The following CYP3A4 variants were observed in gnomAD, a reference collection of about 807,000 sequenced individuals.
The protein encoded by CYP3A4 is cytochrome P450 family 3 subfamily A member 4.
In CYP3A4, 41 loss-of-function variants were observed where a neutral mutation model predicts 54.9. The ratio of observed to expected loss-of-function variants is 0.75; its 90% CI spans 0.58 to 0.97. The LOEUF is 0.97. Among genes scored for constraint, CYP3A4 ranks in the 50% least tolerant of loss-of-function variants. The pLI, the probability that CYP3A4 is intolerant of heterozygous loss-of-function variation, is 0.00. For missense variants in CYP3A4, 510 were observed against 597.3 expected (o/e 0.85, Z 1.52); for synonymous variants, 179 against 205.2 (o/e 0.87, Z 1.09).
chr7:99,765,274 A>G lies in CYP3A4; in HGVS notation c.865+1103T>C, dbSNP rs1447297936. On this transcript the variant is annotated intron_variant, in intron 9 of 12. Transcript: ENST00000651514. The stretch of plus-strand genomic sequence containing the variant: ...AAATACCATTTAAAATTGATCTTCA[A>G]TGGCACTAGCCACATATCCAGTGCT... Among the ~76,000 whole-genome samples the G allele has an allele frequency of 3.3e-5, 5 of 152,192 alleles. 1 individual carries two copies. The Middle Eastern group carries it at 9.5e-3, about 289-fold the overall frequency.
chr7:99,759,867 C>T (rs1238880933), intron 12 of CYP3A4, among the ~76,000 whole-genome samples: 1 of 151,244 alleles, frequency 6.6e-6, no homozygotes, highest in East Asian at 1.9e-4. Context: ...GACAGAGTCT[C>T]GCTGTCACCC....
intron 3 of CYP3A4, among the ~76,000 whole-genome samples, chr7:99,773,326 C>T (rs958498873): frequency 6.6e-6 from 1 of 152,156 alleles, no homozygotes; most frequent in Non-Finnish European, 1.5e-5. Context: ...AACTTGAACT[C>T]AGCTCTGGAC....
At chr7:99,770,300 A>T (rs1226467748) in intron 4 of CYP3A4, 65 bp from the exon 5 acceptor site, 1 of 1,440,220 alleles carries the variant, frequency 6.9e-7, no homozygotes, top group African/African-American at 1.4e-5. Context: ...GTTGTAGAAA[A>T]TGTGTTAAAC....
In CYP3A4 at chr7:99,773,413, G is replaced by A. The variant is rs568667413; in HGVS notation, c.219-724C>T. Among the ~76,000 whole-genome samples, 12 of 152,046 alleles carry A rather than the reference G, an allele frequency of 7.9e-5. No individual in the cohort carries two copies. The South Asian group carries it at 8.3e-4, about 11-fold the overall frequency. Reference sequence around the variant, plus strand: ...TATACATTCTTCTCAGCACCACATCGCACTTATTCTAAAATTGACCACATA... The same window carrying A: ...TATACATTCTTCTCAGCACCACATCACACTTATTCTAAAATTGACCACATA... On this transcript the variant is annotated intron_variant, in intron 3 of 12. Transcript: ENST00000651514.
At chr7:99,764,137 A>G (rs1815419313) in intron 9 of CYP3A4, 122 bp from the exon 10 acceptor site, 1 of 1,412,968 alleles carries the variant, frequency 7.1e-7, no homozygotes. Flanking sequence ...AAAGCAATTC[A>G]GAGGTACACT....
At chr7:99,780,806 C>A (rs1471205452) in intron 1 of CYP3A4, among the ~76,000 whole-genome samples, 2 of 152,148 alleles carry the variant, frequency 1.3e-5, no homozygotes, top group African/African-American at 2.4e-5. Context: ...TTGATTTGAC[C>A]TATTGGGAAG....
At position 99,761,917 on chromosome 7, in the gene CYP3A4, C is replaced by A; in HGVS notation, c.1253+124G>T. The A allele has an allele frequency of 9.7e-6, 9 of 926,298 alleles. No homozygotes were observed. In the South Asian group the frequency reaches 1.5e-4, roughly 15 times the overall value. 57.4% of individuals were successfully genotyped at this position (926,298 alleles called of 1,614,324 possible). A position where few individuals can be genotyped will look rare whatever the true frequency, so the allele number is the denominator to read the frequency against. On this transcript the variant is annotated intron_variant, in intron 11 of 12. Transcript: ENST00000651514. ...TAATCAATTTGATGATTAAAAAAATCTCTAAATATAAAAATACAAGCAAAT... is the reference window on the plus strand; with the variant it reads ...TAATCAATTTGATGATTAAAAAAATATCTAAATATAAAAATACAAGCAAAT...
chr7:99,766,258 T>G (rs1312808904), intron 9 of CYP3A4, 119 bp downstream of exon 9: 2 of 1,192,384 alleles, frequency 1.7e-6, no homozygotes, highest in African/African-American at 1.6e-5. Flanking sequence ...CATTCAAACA[T>G]GTGTCGTTCT....
intron 9 of CYP3A4, 135 bp from the exon 10 acceptor site, chr7:99,764,150 G>T: frequency 7.6e-7 from 1 of 1,317,634 alleles, no homozygotes; most frequent in Non-Finnish European, 1.0e-6. Flanking sequence ...GGTACACTGG[G>T]GGTGGTTTCA....
intron 3 of CYP3A4, among the ~76,000 whole-genome samples, chr7:99,777,476 TTGTGTGTGTGTGTGTGTGTGTGTGTGTG>T (rs10554527): frequency 6.8e-6 from 1 of 146,608 alleles, no homozygotes; most frequent in African/African-American, 2.5e-5. Context: ...ATGTCACTAG[TTGTGTGTGTGTGTGTGTGTGTGTGTGTG>T]TGTGTGTGTG....
Position 99,757,065 on chromosome 7 carries a change from A to G in CYP3A4, c.*1068T>C, listed in dbSNP as rs1028625366. On this transcript the variant is annotated 3_prime_UTR_variant, in exon 13 of 13. Transcript: ENST00000651514. ...TGGAATGCAAGAGGTGTAGGGAAAC[A>G]TGTTTTCTGTCTCCCAGAAATATGA... The G allele has an allele frequency of 3.9e-5, 6 of 152,184 alleles. No homozygotes were observed. The highest frequency in any genetic ancestry group is 1.4e-4 in the African/African-American group (6 of 41,446). 9.4% of individuals were successfully genotyped at this position (152,184 alleles called of 1,614,324 possible). A position where few individuals can be genotyped will look rare whatever the true frequency, so the allele number is the denominator to read the frequency against.
rs1815592672 is a variant in CYP3A4 at position 99,770,190 on chromosome 7, C to G, written c.364G>C (p.Glu122Gln). The stretch of plus-strand genomic sequence containing the variant: ...CGTAATCTCTTCCATTCTTCATCCT[C>G]AGCTATAGAGATGGCACTTTTCATA... ...GFMKSAISIAEDEEWKRLRSL... is the reference protein window; with the variant it reads ...GFMKSAISIAQDEEWKRLRSL... The change falls in exon 5 of 13, where the codon GAG becomes CAG. Residue 122 changes from glutamate (E) to glutamine (Q), a missense_variant. Around this residue, in one of 2 missense-constraint regions of CYP3A4, gnomAD observed 272 missense variants for 274.9 expected, o/e 0.99. Transcript: ENST00000651514. 1 of 1,613,708 alleles carries G rather than the reference C, an allele frequency of 6.2e-7. No homozygotes were observed. The highest frequency in any genetic ancestry group is 1.7e-5 in the Admixed American group (1 of 59,986).
intron 9 of CYP3A4, 101 bp downstream of exon 9, chr7:99,766,276 G>T: frequency 7.2e-7 from 1 of 1,384,634 alleles, no homozygotes; most frequent in South Asian, 1.2e-5. Flanking sequence ...TCTGCTATGT[G>T]GCAGAAATTC....
At position 99,767,255 on chromosome 7, in the gene CYP3A4, A is replaced by C; in HGVS notation, c.674T>G (p.Val225Gly). The change falls in exon 8 of 13, where the codon GTC (valine) becomes GGC (glycine). Residue 225 changes from valine (V) to glycine (G), a missense_variant. Around this residue, in one of 2 missense-constraint regions of CYP3A4, gnomAD observed 272 missense variants for 274.9 expected, o/e 0.99. Coordinates refer to ENST00000651514, the MANE Select transcript of CYP3A4 (RefSeq NM_017460.6). ...AAGAATTGGGATGAGGAATGGAAAGACTGCTGTAGGAAAAACAAAACAAAA... is the reference window on the plus strand; with the variant it reads ...AAGAATTGGGATGAGGAATGGAAAGCCTGCTGTAGGAAAAACAAAACAAAA... Reference protein sequence around the residue: ...FLDPFFLSITVFPFLIPILEV... With the variant: ...FLDPFFLSITGFPFLIPILEV... The C allele has an allele frequency of 6.3e-7, 1 of 1,578,488 alleles. No individual in the cohort carries two copies. Among genetic ancestry groups the C allele is most frequent in the Non-Finnish European group, 8.6e-7 (1 of 1,169,130 alleles).
rs542068028 is a variant in CYP3A4, at chr7:99,770,614, T to G, written c.319-379A>C. On this transcript the variant is annotated intron_variant, in intron 4 of 12. Transcript: ENST00000651514. ...GAGTGGAGACAGACAAGCAGGTGACTTTGGTGGATTGTATGTTGCCTCAGA... is the reference window on the plus strand; with the variant it reads ...GAGTGGAGACAGACAAGCAGGTGACGTTGGTGGATTGTATGTTGCCTCAGA... Among the ~76,000 whole-genome samples, 3 of 152,224 alleles carry G rather than the reference T, an allele frequency of 2.0e-5. No homozygotes were observed. The South Asian group carries it at 6.2e-4, about 32-fold the overall frequency.
chr7:99,760,897 C>A lies in CYP3A4; in HGVS notation c.1338G>T (p.Arg446Ser). ...CAAGTTTCATGTTCATGAGAGCAAA[C>A]CTCATGCCAATGCAGTTTCTGGGTC... ...GSGPRNCIGM[R>S]FALMNMKLAL... Residue 446 changes from arginine (R) to serine (S), a missense_variant, in exon 12 of 13, where the codon AGG becomes AGT. Around this residue, in one of 2 missense-constraint regions of CYP3A4, gnomAD observed 238 missense variants for 322.5 expected, o/e 0.74. Transcript: ENST00000651514. 6.2e-7 allele frequency: 1 copy of A among 1,614,096 alleles called. No individual in the cohort carries two copies. The highest frequency in any genetic ancestry group is 1.7e-4 in the Middle Eastern group (1 of 6,058).
rs59038895 is a variant in CYP3A4 at position 99,765,385 on chromosome 7, AG to A, written c.865+991del. Among the ~76,000 whole-genome samples, 476 of 152,352 alleles carry A rather than the reference AG, an allele frequency of 3.1e-3. 1 individual carries two copies. The highest frequency in any genetic ancestry group is 0.011 in the African/African-American group (460 of 41,584). ...TTATCACAGCAAGTTATATTGGGAT[AG>A]ATAGATGAATAGTTAGATGATAGAT... On this transcript the variant is annotated intron_variant, in intron 9 of 12. Transcript: ENST00000651514.
chr7:99,778,216 T>C, intron 2 of CYP3A4, 136 bp from the exon 3 acceptor site: 3 of 650,268 alleles, frequency 4.6e-6, no homozygotes, highest in Non-Finnish European at 8.0e-6. Flanking sequence ...GGAGACGTCA[T>C]AAAGGAAATA....
intron 9 of CYP3A4, among the ~76,000 whole-genome samples, chr7:99,764,997 T>C (rs1388860035): frequency 6.6e-6 from 1 of 152,170 alleles, no homozygotes; most frequent in Non-Finnish European, 1.5e-5. Context: ...GCTCCAACCA[T>C]GTAATTCACA....
Sources: allele counts gnomAD v4.1 joint callset (sites outside exome capture counted in the v4.1 genomes callset), GRCh38; gene constraint gnomAD v4.1.1; regional missense constraint gnomAD v4.1.1; transcripts MANE v1.5; gene names NCBI Gene and HGNC (gene_info 2026-07-23, HGNC 2026-07-21).